Variants in EPB41L2 observed in about 807,000 individuals in gnomAD.
EPB41L2 encodes the protein erythrocyte membrane protein band 4.1 like 2.
A neutral mutation model predicts 113.0 loss-of-function variants in EPB41L2; 43 were observed. That is an observed-to-expected ratio of 0.38 (90% CI 0.30 to 0.49). The LOEUF is 0.49. Ranked by LOEUF, EPB41L2 falls within the 20% of genes least tolerant of loss-of-function variation. The probability of loss-of-function intolerance (pLI) is 0.95; values close to 1 mark genes in which losing one functional copy is unlikely to be tolerated. For synonymous variants in EPB41L2, 442 were observed against 436.7 expected (o/e 1.01, Z -0.15); for missense variants, 1,147 against 1,223.4 (o/e 0.94, Z 0.93).
intron 1 of EPB41L2, among the ~76,000 whole-genome samples, chr6:130,965,075 C>G (rs966825): frequency 0.78 from 119,257 of 152,148 alleles, 47,251 homozygotes; most frequent in East Asian, 1. Context: ...TTCTAATGGA[C>G]CACCCCTCAT....
chr6:130,882,114 C>CA (rs1789513412), intron 12 of EPB41L2: 3 of 152,260 alleles, frequency 2.0e-5, no homozygotes, highest in Admixed American at 6.5e-5. Flanking sequence ...AATTCTATAT[C>CA]AAAACAAAAA....
At chr6:131,016,477 A>AACACACACACACACACAC (rs10584309) in intron 1 of EPB41L2, among the ~76,000 whole-genome samples, 2 of 143,434 alleles carry the variant, frequency 1.4e-5, no homozygotes, top group African/African-American at 5.1e-5. Flanking sequence ...TTAATAAGGA[A>AACACACACACACACACAC]ACACACACAC....
intron 1 of EPB41L2, among the ~76,000 whole-genome samples, chr6:131,019,676 A>T (rs1254669570): frequency 2.6e-5 from 4 of 152,178 alleles, no homozygotes; most frequent in Admixed American, 6.5e-5. Flanking sequence ...GTTAACAATC[A>T]ATTCTTTAAA....
At chr6:130,841,234 A>AAG (rs1354573598) in intron 19 of EPB41L2, among the ~76,000 whole-genome samples, 1 of 151,938 alleles carries the variant, frequency 6.6e-6, no homozygotes, top group African/African-American at 2.4e-5. Context: ...AAAAAAAAAA[A>AAG]AATGAATTAA....
chr6:130,981,082 T>A lies in EPB41L2; in HGVS notation c.-14-24583A>T, dbSNP rs1052292954. ...AAAATATGGTCAACCACCCAGAATA[T>A]ATTCAATGATAATTCTCCTAGCATT... On this transcript the variant is annotated intron_variant, in intron 1 of 19. Coordinates refer to ENST00000337057, the MANE Select transcript of EPB41L2 (RefSeq NM_001431.4). Among the ~76,000 whole-genome samples, 7 of 152,184 alleles carry A rather than the reference T, an allele frequency of 4.6e-5. No individual in the cohort carries two copies. In the East Asian group the frequency reaches 1.3e-3, roughly 29 times the overall value.
chr6:130,949,597 G>T (rs1814123200), intron 3 of EPB41L2, among the ~76,000 whole-genome samples: 1 of 151,906 alleles, frequency 6.6e-6, no homozygotes. Context: ...AAGGGAAGAG[G>T]AGGGAAGAGG....
intron 4 of EPB41L2, among the ~76,000 whole-genome samples, chr6:130,912,794 A>G (rs545787583): frequency 6.6e-6 from 1 of 152,280 alleles, no homozygotes; most frequent in East Asian, 1.9e-4. Context: ...CACTGGTTGG[A>G]GGCTGGGAGA....
At chr6:130,981,022 G>GA (rs1201792363) in intron 1 of EPB41L2, among the ~76,000 whole-genome samples, 1 of 151,760 alleles carries the variant, frequency 6.6e-6, no homozygotes, top group Non-Finnish European at 1.5e-5. Flanking sequence ...CAATGTAAAG[G>GA]AAAAAAACTA....
chr6:130,840,942 G>T (rs535417817), intron 19 of EPB41L2, among the ~76,000 whole-genome samples: 76 of 152,278 alleles, frequency 5.0e-4, no homozygotes, highest in African/African-American at 1.6e-3. Context: ...CAGGGAAAGG[G>T]AAAGTCAAAG....
At chr6:131,010,919 G>A (rs751159151) in intron 1 of EPB41L2, among the ~76,000 whole-genome samples, 7 of 152,070 alleles carry the variant, frequency 4.6e-5, no homozygotes, top group Non-Finnish European at 8.8e-5. Context: ...AAAAAGGAAC[G>A]TGCACAGCAC....
At position 130,937,687 on chromosome 6, in the gene EPB41L2, C is replaced by T. The variant is rs181034402; in HGVS notation, c.706-10978G>A. Among the ~76,000 whole-genome samples, 593 of 152,188 alleles carry T rather than the reference C, an allele frequency of 3.9e-3. 2 individuals are homozygous for T. Among genetic ancestry groups the T allele is most frequent in the African/African-American group, 0.013 (552 of 41,518 alleles). On this transcript the variant is annotated intron_variant, in intron 3 of 19. Coordinates refer to ENST00000337057, the MANE Select transcript of EPB41L2 (RefSeq NM_001431.4). Reference sequence around the variant, plus strand: ...TACAAAAAATTGCCAGTTGCAGTGGCAGGTGGCTGTAATCCCAGCTACTCG... The same window carrying T: ...TACAAAAAATTGCCAGTTGCAGTGGTAGGTGGCTGTAATCCCAGCTACTCG...
chr6:130,910,262 A>C (rs1426057869), intron 4 of EPB41L2, among the ~76,000 whole-genome samples: 3 of 152,238 alleles, frequency 2.0e-5, no homozygotes, highest in Non-Finnish European at 2.9e-5. Context: ...AAATGTGACA[A>C]AAACAAGCAA....
intron 1 of EPB41L2, among the ~76,000 whole-genome samples, chr6:131,009,487 C>T (rs1786404757): frequency 6.6e-6 from 1 of 152,100 alleles, no homozygotes; most frequent in Admixed American, 6.5e-5. Context: ...CTCCCAGGCT[C>T]TTAGAAACTT....
At chr6:130,887,003 TATG>T (rs1791243110) in intron 11 of EPB41L2, among the ~76,000 whole-genome samples, 1 of 152,194 alleles carries the variant, frequency 6.6e-6, no homozygotes, top group Admixed American at 6.5e-5. Flanking sequence ...AGTATATGGC[TATG>T]ATTAATTCTT....
intron 18 of EPB41L2, among the ~76,000 whole-genome samples, chr6:130,863,000 G>A (rs552808231): frequency 6.6e-6 from 1 of 152,200 alleles, no homozygotes; most frequent in Non-Finnish European, 1.5e-5. Context: ...ACTTGGGACT[G>A]CAGTCTAAAA....
intron 1 of EPB41L2, among the ~76,000 whole-genome samples, chr6:131,036,816 T>C (rs535759730): frequency 6.6e-6 from 1 of 152,270 alleles, no homozygotes; most frequent in South Asian, 2.1e-4. Context: ...GGTTAACTAA[T>C]AGGACATCTG....
intron 1 of EPB41L2, among the ~76,000 whole-genome samples, chr6:130,982,952 G>A (rs749085942): frequency 7.2e-5 from 11 of 152,128 alleles, no homozygotes; most frequent in East Asian, 1.9e-4. Flanking sequence ...TGGCTCAACC[G>A]CCTAACAACC....
chr6:130,907,236 G>A (rs775992154), intron 5 of EPB41L2, among the ~76,000 whole-genome samples: 12 of 152,172 alleles, frequency 7.9e-5, no homozygotes, highest in African/African-American at 1.4e-4. Flanking sequence ...CTAAGCATCC[G>A]TAACCTTTTT....
At chr6:130,997,262 C>G (rs970364370) in intron 1 of EPB41L2, among the ~76,000 whole-genome samples, 5 of 152,200 alleles carry the variant, frequency 3.3e-5, no homozygotes, top group African/African-American at 1.2e-4. Flanking sequence ...ATTAAAGCCA[C>G]TTAGCAAATT....
Sources: gnomAD v4.1 joint callset for allele counts (sites outside exome capture counted in the v4.1 genomes callset) on GRCh38, gnomAD v4.1.1 for gene constraint, MANE v1.5 for transcripts, NCBI Gene and HGNC (gene_info 2026-07-23, HGNC 2026-07-21) for gene names.